Variants in ZNF544 observed in about 807,000 individuals in gnomAD.
The protein encoded by ZNF544 is zinc finger protein AF020591.
ZNF544 carries 10 observed loss-of-function variants against 13.5 expected under a neutral mutation model. The observed-to-expected ratio is 0.74, with a 90% CI of 0.46 to 1.25. The LOEUF is 1.25. Among genes scored for constraint, ZNF544 ranks in the 50% most tolerant of loss-of-function variants. The probability of loss-of-function intolerance (pLI) is 0.00; values close to 1 mark genes in which losing one functional copy is unlikely to be tolerated. For synonymous variants in ZNF544, 323 were observed against 300.5 expected (o/e 1.07, Z -0.77); for missense variants, 896 against 845.6 (o/e 1.06, Z -0.74).
chr19:58,256,170 C>G (rs1332703722), intron 6 of ZNF544, among the ~76,000 whole-genome samples: 1 of 151,868 alleles, frequency 6.6e-6, no homozygotes, highest in Non-Finnish European at 1.5e-5. Flanking sequence ...AAAGGGAAAA[C>G]AAAAAGAGAA....
At chr19:58,230,136 A>G (rs1357622877) in intron 2 of ZNF544, 1 of 152,174 alleles carries the variant, frequency 6.6e-6, no homozygotes, top group African/African-American at 2.4e-5. Context: ...GTCACCCCAC[A>G]AGCAGGGAAG....
At chr19:58,238,921 C>G (rs1302506251) in intron 3 of ZNF544, among the ~76,000 whole-genome samples, 1 of 151,120 alleles carries the variant, frequency 6.6e-6, no homozygotes, top group Non-Finnish European at 1.5e-5. Context: ...ACAGGCAGAA[C>G]AGGGAGGGGA....
At position 58,260,980 on chromosome 19, in the gene ZNF544, T is replaced by C; in HGVS notation, c.374T>C (p.Val125Ala). The C allele has an allele frequency of 6.2e-7, 1 of 1,614,124 alleles. No individual in the cohort carries two copies. Among genetic ancestry groups the C allele is most frequent in the Admixed American group, 1.7e-5 (1 of 60,008 alleles). ...EEPPSLVLGK[V>A]QDQSNQLREH... ...CCACCCTCTTTGGTATTAGGAAAAG[T>C]GCAAGATCAGAGCAACCAGTTAAGG... is the stretch of plus-strand genomic sequence containing the variant. Residue 125 changes from valine (V) to alanine (A), a missense_variant, in exon 7 of 7, where the codon GTG becomes GCG. Physicochemically the swap from Val to Ala is moderately conservative, Grantham distance 64 (BLOSUM62 0). Transcript: ENST00000687789.
rs2049267612 is a variant in ZNF544 at position 58,262,759 on chromosome 19, G to C, written c.*5G>C. 2 of 1,581,510 alleles carry C rather than the reference G, an allele frequency of 1.3e-6. No individual in the cohort carries two copies. Among genetic ancestry groups the C allele is most frequent in the Middle Eastern group, 3.4e-4 (2 of 5,902 alleles). On this transcript the variant is annotated 3_prime_UTR_variant, in exon 7 of 7. Coordinates refer to ENST00000687789, the MANE Select transcript of ZNF544 (RefSeq NM_014480.4). ...CATACTGGAGAGAAACCTTAGGAGT[G>C]CAGTCATTGTGGGAAAGCTTTCATC... is the stretch of plus-strand genomic sequence containing the variant.
chr19:58,264,799 T>C (rs1053437209), downstream of ZNF544, among the ~76,000 whole-genome samples: 1 of 152,148 alleles, frequency 6.6e-6, no homozygotes, highest in African/African-American at 2.4e-5. Context: ...TTGAGCCCAG[T>C]AGATTGAGAC....
chr19:58,246,792 G>C lies in ZNF544; in HGVS notation c.242G>C (p.Arg81Pro), dbSNP rs576820348. 1.9e-6 allele frequency: 3 copies of C among 1,613,922 alleles called. No homozygotes were observed. The highest frequency in any genetic ancestry group is 1.7e-6 in the Non-Finnish European group (2 of 1,179,824). Residue 81 changes from arginine (R) to proline (P), a missense_variant and splice_region_variant, in exon 6 of 7, where the codon CGA (arginine) becomes CCA (proline). By Grantham distance (103) the Arg-to-Pro change is moderately radical. Coordinates refer to ENST00000687789, the MANE Select transcript of ZNF544 (RefSeq NM_014480.4). ...DLCRAEQEAP[R>P]DWKATLEENR... The stretch of plus-strand genomic sequence containing the variant: ...TGCAGGGCAGAGCAGGAGGCCCCCC[G>C]AGGTAAGAGCAGACCTTGTGGTGAG...
intron 3 of ZNF544, among the ~76,000 whole-genome samples, chr19:58,241,189 T>A (rs1600250320): frequency 3.5e-4 from 14 of 39,462 alleles, no homozygotes; most frequent in Middle Eastern, 0.025. Context: ...ATTTTTTTTT[T>A]TTTGTAGAGA....
intron 4 of ZNF544, among the ~76,000 whole-genome samples, chr19:58,244,971 C>T (rs1191180302): frequency 2.0e-5 from 3 of 146,890 alleles, no homozygotes; most frequent in South Asian, 2.2e-4. Flanking sequence ...TTTTTTGAAA[C>T]GGAGTCTCGC....
chr19:58,246,243 C>T, intron 4 of ZNF544, 58 bp from the exon 5 acceptor site: 1 of 1,610,686 alleles, frequency 6.2e-7, no homozygotes. Flanking sequence ...TTAACAGGTA[C>T]CTCCGTGAGG....
At chr19:58,234,957 CAT>C (rs2042077670) in intron 3 of ZNF544, among the ~76,000 whole-genome samples, 1 of 152,182 alleles carries the variant, frequency 6.6e-6, no homozygotes, top group Non-Finnish European at 1.5e-5. Flanking sequence ...GATTAGTGAA[CAT>C]GTGTGTATTG....
At position 58,241,179 on chromosome 19, in the gene ZNF544, A is replaced by ATATT. The variant is rs1181835768; in HGVS notation, c.-59-2785_-59-2784insATTT. 4.1e-3 allele frequency among the ~76,000 whole-genome samples: 302 copies of ATATT among 72,774 alleles called. 35 individuals are homozygous for ATATT. Among genetic ancestry groups the ATATT allele is most frequent in the African/African-American group, 0.017 (288 of 16,872 alleles). The allele number at this position is 72,774 out of a possible 152,430, so 47.7% of individuals were successfully genotyped here. ...TATATTTAAATATATATATATATAT[A>ATATT]TTTTTTTTTTTTTGTAGAGATAGGG... On this transcript the variant is annotated intron_variant, in intron 3 of 6. Transcript: ENST00000687789.
intron 3 of ZNF544, among the ~76,000 whole-genome samples, chr19:58,243,740 T>G (rs2044428812): frequency 6.6e-6 from 1 of 152,082 alleles, no homozygotes; most frequent in Non-Finnish European, 1.5e-5. Flanking sequence ...TCCTTGCCCT[T>G]GACTGTTGAG....
chr19:58,265,517 G>A (rs1289101227), downstream of ZNF544, among the ~76,000 whole-genome samples: 1 of 152,072 alleles, frequency 6.6e-6, no homozygotes, highest in Non-Finnish European at 1.5e-5. Flanking sequence ...GGATGGTCTT[G>A]ATCTCCTGAC....
At chr19:58,243,712 T>G (rs943436174) in intron 3 of ZNF544, among the ~76,000 whole-genome samples, 2 of 152,000 alleles carry the variant, frequency 1.3e-5, no homozygotes, top group Non-Finnish European at 2.9e-5. Context: ...AGTCACGAAA[T>G]GATAGGAAAA....
In ZNF544 at chr19:58,234,142, G is replaced by T. The variant is rs562707566; in HGVS notation, c.-60+3680G>T. On this transcript the variant is annotated intron_variant, in intron 3 of 6. Coordinates refer to ENST00000687789, the MANE Select transcript of ZNF544 (RefSeq NM_014480.4). ...CTCCAGCCTGCCAACATCTACATAA[G>T]CCCAGCAATGCCTTCTCTCTCTCTG... 7.9e-5 allele frequency among the ~76,000 whole-genome samples: 12 copies of T among 152,178 alleles called. No homozygotes were observed. In the East Asian group the frequency reaches 2.1e-3, roughly 27 times the overall value.
chr19:58,248,137 C>T (rs952568885), intron 6 of ZNF544, among the ~76,000 whole-genome samples: 2 of 152,076 alleles, frequency 1.3e-5, no homozygotes, highest in African/African-American at 2.4e-5. Context: ...TGGTCTCGAT[C>T]TCCTGACCTC....
chr19:58,249,447 A>C (rs2147195702), intron 6 of ZNF544, among the ~76,000 whole-genome samples: 1 of 152,268 alleles, frequency 6.6e-6, no homozygotes, highest in South Asian at 2.1e-4. Flanking sequence ...CTGAAGCTTG[A>C]TGGTCTCTAG....
intron 6 of ZNF544, among the ~76,000 whole-genome samples, chr19:58,253,398 A>G (rs1312842656): frequency 6.6e-6 from 1 of 152,194 alleles, no homozygotes; most frequent in Non-Finnish European, 1.5e-5. Context: ...ATTTTTGCCA[A>G]TAACTCAGAA....
chr19:58,262,576 A>G lies in ZNF544; in HGVS notation c.1970A>G (p.Glu657Gly). Residue 657 changes from glutamate (E) to glycine (G), a missense_variant, in exon 7 of 7, where the codon GAG (glutamate) becomes GGG (glycine). Transcript: ENST00000687789. ...LVMHQRTHTG[E>G]KPFECSQCGK... ...ATGCATCAGAGAACTCACACTGGTG[A>G]GAAACCTTTTGAGTGTAGTCAGTGT... is the stretch of plus-strand genomic sequence containing the variant. The G allele has an allele frequency of 6.2e-7, 1 of 1,614,228 alleles. No individual in the cohort carries two copies. Among genetic ancestry groups the G allele is most frequent in the Non-Finnish European group, 8.5e-7 (1 of 1,180,046 alleles).
Sources: gnomAD v4.1 joint callset for allele counts (sites outside exome capture counted in the v4.1 genomes callset) on GRCh38, gnomAD v4.1.1 for gene constraint, MANE v1.5 for transcripts, NCBI Gene and HGNC (gene_info 2026-07-23, HGNC 2026-07-21) for gene names.